Variants in WFDC3 observed in about 807,000 individuals in gnomAD.
WFDC3 encodes the protein WAP four-disulfide core domain 3.
A neutral mutation model predicts 25.8 loss-of-function variants in WFDC3; 15 were observed. That is an observed-to-expected ratio of 0.58 (90% CI 0.39 to 0.89). The LOEUF (loss-of-function observed/expected upper bound fraction) is 0.89, where lower values mean the gene tolerates loss of function less well. Among genes scored for constraint, WFDC3 ranks in the 40% least tolerant of loss-of-function variants. The probability of loss-of-function intolerance (pLI) is 0.00; values close to 1 mark genes in which losing one functional copy is unlikely to be tolerated. For missense variants in WFDC3, 264 were observed against 289.8 expected (o/e 0.91, Z 0.65); for synonymous variants, 103 against 107.1 (o/e 0.96, Z 0.24).
Position 45,791,013 on chromosome 20 carries a change from T to C in WFDC3, c.-8+819A>G, listed in dbSNP as rs1352354343. On this transcript the variant is annotated intron_variant, in intron 1 of 6. Coordinates refer to ENST00000243938, the MANE Select transcript of WFDC3 (RefSeq NM_080614.2). ...TGGTTAGCTGTGATACCTAATGGTG[T>C]CCACTGGCACTGCTTAGTCCTATGG... 2.2e-5 allele frequency: 10 copies of C among 461,866 alleles called. No homozygotes were observed. The East Asian group carries it at 6.9e-4, about 32-fold the overall frequency. 28.6% of individuals were successfully genotyped at this position (461,866 alleles called of 1,614,324 possible). A position where few individuals can be genotyped will look rare whatever the true frequency, so the allele number is the denominator to read the frequency against.
At position 45,774,293 on chromosome 20, in the gene WFDC3, C is replaced by G. The variant is rs898530523; in HGVS notation, c.*135G>C. ...GGGCTATTTCCCATGCTCTGGTCAGCGGCAGGAGGAGAAGCAGAGCAGAGA... is the reference window on the plus strand; with the variant it reads ...GGGCTATTTCCCATGCTCTGGTCAGGGGCAGGAGGAGAAGCAGAGCAGAGA... On this transcript the variant is annotated 3_prime_UTR_variant, in exon 7 of 7. Coordinates refer to ENST00000243938, the MANE Select transcript of WFDC3 (RefSeq NM_080614.2). The G allele has an allele frequency of 8.3e-7, 1 of 1,208,322 alleles. No homozygotes were observed. Among genetic ancestry groups the G allele is most frequent in the Non-Finnish European group, 1.2e-6 (1 of 818,126 alleles). 74.9% of individuals were successfully genotyped at this position (1,208,322 alleles called of 1,614,324 possible).
At chr20:45,789,365 G>T (rs1169284112) in intron 2 of WFDC3, among the ~76,000 whole-genome samples, 2 of 152,016 alleles carry the variant, frequency 1.3e-5, no homozygotes, top group Middle Eastern at 3.4e-3. Context: ...AATTAGCTGG[G>T]CGTGGCGGCG....
intron 5 of WFDC3, 118 bp downstream of exon 5, chr20:45,776,957 T>TGGGTTGG: frequency 6.4e-7 from 1 of 1,551,680 alleles, no homozygotes; most frequent in East Asian, 2.3e-5. Flanking sequence ...TGGGTTGCTT[T>TGGGTTGG]GGGTTGGGGG....
chr20:45,790,401 C>T (rs1296619013), intron 1 of WFDC3, among the ~76,000 whole-genome samples: 1 of 152,166 alleles, frequency 6.6e-6, no homozygotes, highest in Non-Finnish European at 1.5e-5. Flanking sequence ...AATAACATAA[C>T]CAAGCATAAT....
At position 45,774,456 on chromosome 20, in the gene WFDC3, A is replaced by G; in HGVS notation, c.680-12T>C. 1.9e-6 allele frequency: 3 copies of G among 1,614,084 alleles called. No homozygotes were observed. The East Asian group carries it at 6.7e-5, about 36-fold the overall frequency. On this transcript the variant is annotated splice_polypyrimidine_tract_variant and intron_variant, in intron 6 of 6. Transcript: ENST00000243938. ...GGGCACCGGGATCTCTGCAAGTAGA[A>G]GAAACATCAAGTCACAGCTGTGCCC...
chr20:45,782,228 A>C (rs1980478195), intron 4 of WFDC3, among the ~76,000 whole-genome samples: 1 of 152,008 alleles, frequency 6.6e-6, no homozygotes, highest in African/African-American at 2.4e-5. Context: ...CTGAATATCT[A>C]CCACCCTTCT....
chr20:45,784,141 T>C (rs143690388), intron 4 of WFDC3, among the ~76,000 whole-genome samples: 16 of 152,314 alleles, frequency 1.1e-4, no homozygotes, highest in Non-Finnish European at 2.1e-4. Context: ...GGGAAGATTG[T>C]ACCAAGCCCT....
At chr20:45,791,471 A>G (rs1980988327) in intron 1 of WFDC3, among the ~76,000 whole-genome samples, 1 of 151,286 alleles carries the variant, frequency 6.6e-6, no homozygotes, top group Non-Finnish European at 1.5e-5. Flanking sequence ...TAATTTTTAT[A>G]TTTTTAGTAG....
At chr20:45,780,692 TACTC>T (rs1381193809) in intron 4 of WFDC3, among the ~76,000 whole-genome samples, 1 of 152,100 alleles carries the variant, frequency 6.6e-6, no homozygotes, top group African/African-American at 2.4e-5. Flanking sequence ...GCCCAGGAAA[TACTC>T]ACTCACAGTC....
chr20:45,784,883 A>G (rs549585067), intron 4 of WFDC3, among the ~76,000 whole-genome samples: 1 of 152,332 alleles, frequency 6.6e-6, no homozygotes, highest in East Asian at 1.9e-4. Context: ...CCTTACAGAG[A>G]AGGGAACTAA....
At chr20:45,786,495 T>A (rs1052025273) in intron 4 of WFDC3, among the ~76,000 whole-genome samples, 1 of 152,230 alleles carries the variant, frequency 6.6e-6, no homozygotes, top group Non-Finnish European at 1.5e-5. Flanking sequence ...ATTATATATT[T>A]ATTTACATGC....
intron 4 of WFDC3, among the ~76,000 whole-genome samples, chr20:45,787,282 CTTTTTTTTTTTT>C (rs1158318114): frequency 6.8e-5 from 5 of 73,676 alleles, no homozygotes; most frequent in Non-Finnish European, 1.1e-4. Flanking sequence ...TTTCTTTTTT[CTTTTTTTTTTTT>C]TTTTTTTTTT....
intron 4 of WFDC3, 28 bp downstream of exon 4, chr20:45,787,808 C>A: frequency 6.3e-7 from 1 of 1,594,606 alleles, no homozygotes. Context: ...CCAAACAGAC[C>A]ATGAGGTGTG....
chr20:45,775,703 C>A, intron 5 of WFDC3, 101 bp from the exon 6 acceptor site: 1 of 1,463,870 alleles, frequency 6.8e-7, no homozygotes, highest in Non-Finnish European at 9.4e-7. Flanking sequence ...GTCAATCAAC[C>A]CCTGACCCTC....
At chr20:45,784,522 ACC>A (rs1411701329) in intron 4 of WFDC3, among the ~76,000 whole-genome samples, 1 of 152,220 alleles carries the variant, frequency 6.6e-6, no homozygotes, top group Non-Finnish European at 1.5e-5. Flanking sequence ...CCGGTGGATC[ACC>A]TGAAGTCAGG....
chr20:45,788,878 C>T (rs928665593), intron 3 of WFDC3, 53 bp downstream of exon 3: 3 of 1,562,672 alleles, frequency 1.9e-6, no homozygotes, highest in African/African-American at 2.7e-5. Context: ...TCCATCTATC[C>T]CAGAGGCAAT....
intron 1 of WFDC3, chr20:45,790,970 C>G (rs1980943259): frequency 4.3e-6 from 2 of 468,604 alleles, no homozygotes; most frequent in Non-Finnish European, 8.8e-6. Flanking sequence ...TTTTCTTTAT[C>G]TGTCCTGGTC....
In WFDC3 at chr20:45,774,404, G is replaced by A. The variant is rs2145678951; in HGVS notation, c.*24C>T. ...AGGAAAAGCTTCCAGAATTACCAAAGAAGCTCCAGACAAATCAGCACAGCT... is the reference window on the plus strand; with the variant it reads ...AGGAAAAGCTTCCAGAATTACCAAAAAAGCTCCAGACAAATCAGCACAGCT... On this transcript the variant is annotated 3_prime_UTR_variant, in exon 7 of 7. Coordinates refer to ENST00000243938, the MANE Select transcript of WFDC3 (RefSeq NM_080614.2). The A allele has an allele frequency of 6.2e-7, 1 of 1,614,128 alleles. No individual in the cohort carries two copies. The highest frequency in any genetic ancestry group is 8.5e-7 in the Non-Finnish European group (1 of 1,180,028).
intron 4 of WFDC3, among the ~76,000 whole-genome samples, chr20:45,784,333 G>T (rs1358390129): frequency 6.6e-6 from 1 of 152,250 alleles, no homozygotes; most frequent in Non-Finnish European, 1.5e-5. Flanking sequence ...CTCCTACCTG[G>T]AGAGGTTTGA....
Sources: gnomAD v4.1 joint callset for allele counts (sites outside exome capture counted in the v4.1 genomes callset) on GRCh38, gnomAD v4.1.1 for gene constraint, MANE v1.5 for transcripts, NCBI Gene and HGNC (gene_info 2026-07-23, HGNC 2026-07-21) for gene names.